The following TRIM31 variants were observed in gnomAD, a reference collection of about 807,000 sequenced individuals.
TRIM31 encodes tripartite motif containing 31.
Under a neutral mutation model 40.6 loss-of-function variants are expected in TRIM31, and 31 were observed. The observed-to-expected ratio is 0.76, with a 90% CI of 0.57 to 1.03. The LOEUF is 1.03. Ranked by LOEUF, TRIM31 falls within the 50% of genes least tolerant of loss-of-function variation. TRIM31 has a pLI of 0.00. For synonymous variants in TRIM31, 164 were observed against 193.9 expected, an observed-to-expected ratio of 0.85 and a Z score of 1.28; for missense variants, 455 against 497.5, an observed-to-expected ratio of 0.91 and a Z score of 0.81.
At position 30,103,231 on chromosome 6, in the gene TRIM31, G is replaced by A. The variant is rs1377689604; in HGVS notation, c.*305C>T. On this transcript the variant is annotated 3_prime_UTR_variant, in exon 9 of 9. Transcript: ENST00000376734. ...TAAAGAGTGCGGGGACTGCTGCAGG[G>A]ACTTCCTTTTTCCACTAGGCGGCAC... 4 of 525,714 alleles carry A rather than the reference G, an allele frequency of 7.6e-6. No individual in the cohort carries two copies. Among genetic ancestry groups the A allele is most frequent in the South Asian group, 2.3e-5 (1 of 43,674 alleles). The allele number at this position is 525,714 out of a possible 1,614,324, so 32.6% of individuals were successfully genotyped here.
chr6:30,104,314 CCTT>C, intron 7 of TRIM31, 147 bp from the exon 8 acceptor site: 6 of 781,238 alleles, frequency 7.7e-6, no homozygotes, highest in Admixed American at 2.5e-5. Context: ...AGTGTGGAAA[CCTT>C]TCAGGTTGTC....
In TRIM31 at chr6:30,110,548, T is replaced by C; in HGVS notation, c.644A>G (p.Lys215Arg). Residue 215 changes from lysine (K) to arginine (R), a missense_variant, in exon 4 of 9, where the codon AAA (lysine) becomes AGA (arginine). Physicochemically the swap from Lys to Arg is conservative, Grantham distance 26. Transcript: ENST00000376734. ...WLGHEGTEAGKHYVASTEPQL... is the reference protein window; with the variant it reads ...WLGHEGTEAGRHYVASTEPQL... ...TGGCTCAGTGGAGGCAACATAGTGT[T>C]TCCCCGCTTCCGTTCCCTCATGACC... 1 of 1,614,170 alleles carries C rather than the reference T, an allele frequency of 6.2e-7. No individual in the cohort carries two copies. Among genetic ancestry groups the C allele is most frequent in the Non-Finnish European group, 8.5e-7 (1 of 1,180,016 alleles).
Position 30,110,598 on chromosome 6 carries a change from G to A in TRIM31, c.594C>T (p.Phe198=). 1 of 1,614,192 alleles carries A rather than the reference G, an allele frequency of 6.2e-7. No homozygotes were observed. Among genetic ancestry groups the A allele is most frequent in the South Asian group, 1.1e-5 (1 of 91,086 alleles). ...CCAGCCAGTAAATCCGTGATAGCAGGAAATTCTTCTCCTCCTCTAGGACTT... is the reference window on the plus strand; with the variant it reads ...CCAGCCAGTAAATCCGTGATAGCAGAAAATTCTTCTCCTCCTCTAGGACTT... ...LHQVLEEEKN[F]LLSRIYWLGH... is the part of the protein sequence containing the mutation. Residue 198 remains phenylalanine, a synonymous_variant, in exon 4 of 9, where the codon TTC becomes TTT. Coordinates refer to ENST00000376734, the MANE Select transcript of TRIM31 (RefSeq NM_007028.5).
Position 30,104,149 on chromosome 6 carries a change from T to C in TRIM31, c.977A>G (p.Asn326Ser), listed in dbSNP as rs753951510. The C allele has an allele frequency of 3.1e-6, 5 of 1,612,936 alleles. No individual in the cohort carries two copies. The highest frequency in any genetic ancestry group is 4.2e-6 in the Non-Finnish European group (5 of 1,180,032). Residue 326 changes from asparagine to serine, a missense_variant, in exon 8 of 9, where the codon AAT becomes AGT. By Grantham distance (46) the Asn-to-Ser change is conservative. Transcript: ENST00000376734. ...TGAGGTTTTGTTCATTTTATGATTATTTTTCTGTAACAAGCCCCCTAAAAA... is the reference window on the plus strand; with the variant it reads ...TGAGGTTTTGTTCATTTTATGATTACTTTTCTGTAACAAGCCCCCTAAAAA... ...DMKSWGLLQK[N>S]NHKMNKTSEP...
rs1769480098 is a variant in TRIM31 at position 30,112,680 on chromosome 6, C to A, written c.126G>T (p.Gln42His). 1.9e-6 allele frequency: 3 copies of A among 1,613,002 alleles called. No individual in the cohort carries two copies. The highest frequency in any genetic ancestry group is 1.3e-5 in the African/African-American group (1 of 74,934). The stretch of plus-strand genomic sequence containing the variant: ...AAAATCCACATGATGTTTCCCCAAT[C>A]TGAGTGATGCATTTGAGGCAGAAAT... ...GHNFCLKCIT[Q>H]IGETSCGFFK... The change falls in exon 2 of 9, where the codon CAG becomes CAT. Residue 42 changes from glutamine (Q) to histidine (H), a missense_variant. Physicochemically the swap from Gln to His is conservative, Grantham distance 24. Transcript: ENST00000376734.
In TRIM31 at chr6:30,112,745, C is replaced by T. The variant is rs201488158; in HGVS notation, c.61G>A (p.Asp21Asn). Residue 21 changes from aspartate (D) to asparagine (N), a missense_variant, in exon 2 of 9, where the codon GAC becomes AAC. Coordinates refer to ENST00000376734, the MANE Select transcript of TRIM31 (RefSeq NM_007028.5). ...ATGGTGACAGGTTTCTGCAGAATGT[C>T]CAGGCAGATGGGGCAGATCACTTCC... is the stretch of plus-strand genomic sequence containing the variant. Reference protein sequence around the residue: ...QEEVICPICLDILQKPVTIDC... With the variant: ...QEEVICPICLNILQKPVTIDC... The T allele has an allele frequency of 2.5e-5, 41 of 1,612,868 alleles. No individual in the cohort carries two copies. The highest frequency in any genetic ancestry group is 8.5e-7 in the Non-Finnish European group (1 of 1,179,976).
chr6:30,109,990 A>T (rs1160308852), intron 4 of TRIM31, among the ~76,000 whole-genome samples: 1 of 150,870 alleles, frequency 6.6e-6, no homozygotes, highest in Non-Finnish European at 1.5e-5. Context: ...AGATGTGCCA[A>T]AGTGAAAAAT....
chr6:30,111,607 T>A (rs753092181), intron 3 of TRIM31, 41 bp downstream of exon 3: 4 of 1,588,030 alleles, frequency 2.5e-6, no homozygotes, highest in Non-Finnish European at 3.5e-6. Context: ...TTGGCAGAGA[T>A]GTTTCTGCTT....
Position 30,103,210 on chromosome 6 carries a change from G to GA in TRIM31, c.*325dup, listed in dbSNP as rs1219652778. 2.3e-6 allele frequency: 1 copy of GA among 434,224 alleles called. No homozygotes were observed. The highest frequency in any genetic ancestry group is 3.9e-5 in the Admixed American group (1 of 25,658). 26.9% of individuals were successfully genotyped at this position (434,224 alleles called of 1,614,324 possible). ...TGCCTTCGGTAAACAGCTGCTTAAA[G>GA]AGTGCGGGGACTGCTGCAGGGACTT... On this transcript the variant is annotated 3_prime_UTR_variant, in exon 9 of 9. Transcript: ENST00000376734.
intron 6 of TRIM31, among the ~76,000 whole-genome samples, chr6:30,105,893 AG>A (rs1023191615): frequency 1.3e-5 from 2 of 152,188 alleles, no homozygotes; most frequent in Admixed American, 6.5e-5. Context: ...AGGTGGGGTA[AG>A]GGGGGGCCCC....
At chr6:30,104,972 A>G (rs996661608) in intron 7 of TRIM31, among the ~76,000 whole-genome samples, 196 bp downstream of exon 7, 2 of 152,228 alleles carry the variant, frequency 1.3e-5, no homozygotes, top group African/African-American at 4.8e-5. Flanking sequence ...GAATACTTCA[A>G]AGTTTGGGAT....
chr6:30,111,845 T>C (rs989809329), intron 2 of TRIM31, 102 bp from the exon 3 acceptor site: 4 of 1,072,576 alleles, frequency 3.7e-6, no homozygotes, highest in Non-Finnish European at 5.6e-6. Context: ...TCCAGGTGAG[T>C]CCTTGTGTAA....
At position 30,111,660 on chromosome 6, in the gene TRIM31, G is replaced by C. The variant is rs772174242; in HGVS notation, c.501C>G (p.Val167=). 22 of 1,614,042 alleles carry C rather than the reference G, an allele frequency of 1.4e-5. No homozygotes were observed. The highest frequency in any genetic ancestry group is 1.8e-5 in the Non-Finnish European group (21 of 1,179,970). The change falls in exon 3 of 9, where the codon GTC becomes GTG. Residue 167 remains valine (V), a synonymous_variant. Transcript: ENST00000376734. ...VQVKAQGVHR[V]DVFTDQVEHE... ...GAGTTTTTCTTACCGTGAAGACATC[G>C]ACCCTGTGTACACCTTGTGCCTTCA... is the stretch of plus-strand genomic sequence containing the variant.
chr6:30,105,127 C>G, intron 7 of TRIM31, 41 bp downstream of exon 7: 1 of 1,567,508 alleles, frequency 6.4e-7, no homozygotes, highest in Non-Finnish European at 8.8e-7. Flanking sequence ...TTCTCACTTT[C>G]CCCAAATGGC....
At chr6:30,110,424 C>T (rs115518061) in intron 4 of TRIM31, 24 bp downstream of exon 4, 21,931 of 1,610,640 alleles carry the variant, frequency 0.014, 182 homozygotes, top group Non-Finnish European at 0.016. Context: ...TACCTCTCTG[C>T]AATTCTGCCC....
intron 4 of TRIM31, among the ~76,000 whole-genome samples, chr6:30,109,682 A>T (rs1002286891): frequency 1.3e-5 from 2 of 152,170 alleles, no homozygotes; most frequent in Non-Finnish European, 2.9e-5. Context: ...GGAGTTCGAG[A>T]CCATCCTGGC....
intron 1 of TRIM31, 31 bp downstream of exon 1, chr6:30,113,033 T>A: frequency 1.9e-6 from 1 of 516,434 alleles, no homozygotes; most frequent in Non-Finnish European, 3.3e-6. Context: ...GAAAATATTA[T>A]AAAGAGAGGA....
chr6:30,104,207 C>G lies in TRIM31; in HGVS notation c.959-40G>C, dbSNP rs540993659. 26 of 1,600,234 alleles carry G rather than the reference C, an allele frequency of 1.6e-5. No individual in the cohort carries two copies. In the African/African-American group the frequency reaches 2.6e-4, roughly 16 times the overall value. On this transcript the variant is annotated intron_variant, in intron 7 of 8. Transcript: ENST00000376734. ...GAGAAAACCTATTTGGTCTTGATAACCAGAAGCTGCAAATTAAAAACAAAA... is the reference window on the plus strand; with the variant it reads ...GAGAAAACCTATTTGGTCTTGATAAGCAGAAGCTGCAAATTAAAAACAAAA...
Position 30,110,538 on chromosome 6 carries a change from A to C in TRIM31, c.654T>G (p.Val218=). 1 of 1,614,192 alleles carries C rather than the reference A, an allele frequency of 6.2e-7. No individual in the cohort carries two copies. Among genetic ancestry groups the C allele is most frequent in the Non-Finnish European group, 8.5e-7 (1 of 1,180,044 alleles). ...HEGTEAGKHY[V]ASTEPQLNDL... is the part of the protein sequence containing the mutation. The stretch of plus-strand genomic sequence containing the variant: ...CGTTCAACTGTGGCTCAGTGGAGGC[A>C]ACATAGTGTTTCCCCGCTTCCGTTC... Residue 218 remains valine, a synonymous_variant, in exon 4 of 9, where the codon GTT becomes GTG. Transcript: ENST00000376734.
Sources: gnomAD v4.1 joint callset for allele counts (sites outside exome capture counted in the v4.1 genomes callset) on GRCh38, gnomAD v4.1.1 for gene constraint, MANE v1.5 for transcripts, NCBI Gene and HGNC (gene_info 2026-07-23, HGNC 2026-07-21) for gene names.